NHSL1: variants seen among roughly 807,000 people sequenced by gnomAD.
The protein encoded by NHSL1 is NHS like 1.
In NHSL1, 48 loss-of-function variants were observed where a neutral mutation model predicts 95.0. The ratio of observed to expected loss-of-function variants is 0.51; its 90% confidence interval spans 0.40 to 0.64. The LOEUF is 0.64. NHSL1 is among the 30% of genes least tolerant of loss of function. NHSL1 has a pLI of 0.00. For synonymous variants in NHSL1, 783 were observed against 833.9 expected (o/e 0.94, Z 1.05); for missense variants, 1,971 against 2,077.7 (o/e 0.95, Z 1.00).
chr6:138,656,458 T>A (rs1337859506), intron 1 of NHSL1, among the ~76,000 whole-genome samples: 1 of 152,164 alleles, frequency 6.6e-6, no homozygotes, highest in Non-Finnish European at 1.5e-5. Context: ...ATTTGCCCAA[T>A]TATGCATGAG....
At chr6:138,657,609 C>A (rs1427646024) in intron 1 of NHSL1, among the ~76,000 whole-genome samples, 6 of 151,604 alleles carry the variant, frequency 4.0e-5, no homozygotes, top group African/African-American at 1.5e-4. Context: ...GTCAGGAGAT[C>A]GAGACCATCC....
chr6:138,547,301 AG>A (rs1405722421), upstream of NHSL1, among the ~76,000 whole-genome samples: 4 of 148,220 alleles, frequency 2.7e-5, no homozygotes, highest in Non-Finnish European at 3.0e-5. Flanking sequence ...AATATATAAG[AG>A]GTCTCTAGCC....
chr6:138,610,908 T>A (rs1784503683), intron 1 of NHSL1, among the ~76,000 whole-genome samples: 1 of 152,024 alleles, frequency 6.6e-6, no homozygotes, highest in Non-Finnish European at 1.5e-5. Context: ...TGAAATCCCA[T>A]CTCTAACAAA....
intron 1 of NHSL1, among the ~76,000 whole-genome samples, chr6:138,588,671 T>G (rs1784178070): frequency 6.6e-6 from 1 of 152,204 alleles, no homozygotes; most frequent in Admixed American, 6.5e-5. Context: ...CTGAGATTAA[T>G]ACAGCAAGCT....
intron 1 of NHSL1, among the ~76,000 whole-genome samples, chr6:138,534,027 G>T (rs1782240020): frequency 6.6e-6 from 1 of 152,186 alleles, no homozygotes; most frequent in Non-Finnish European, 1.5e-5. Flanking sequence ...TGTTTCATCA[G>T]ATTTTTTGGT....
At chr6:138,675,823 C>T (rs893773896) in intron 1 of NHSL1, among the ~76,000 whole-genome samples, 31 of 152,250 alleles carry the variant, frequency 2.0e-4, no homozygotes, top group Admixed American at 3.3e-4. Context: ...CATGAGCCAC[C>T]GCACCTGGCC....
At chr6:138,563,901 T>TGGTGG (rs1410269090) in intron 1 of NHSL1, among the ~76,000 whole-genome samples, 4 of 152,124 alleles carry the variant, frequency 2.6e-5, no homozygotes. Context: ...TCAGACCAAT[T>TGGTGG]GGTGGGGAGG....
intron 1 of NHSL1, among the ~76,000 whole-genome samples, chr6:138,629,942 C>T (rs901202640): frequency 6.6e-6 from 1 of 152,196 alleles, no homozygotes; most frequent in African/African-American, 2.4e-5. Context: ...TTACTTCCCC[C>T]AAAGTAGACA....
At chr6:138,520,187 C>T (rs1029088903) in intron 1 of NHSL1, among the ~76,000 whole-genome samples, 7 of 151,736 alleles carry the variant, frequency 4.6e-5, no homozygotes, top group Admixed American at 4.6e-4. Flanking sequence ...TAAAATCATA[C>T]CAAAATAAAT....
intron 1 of NHSL1, among the ~76,000 whole-genome samples, chr6:138,627,910 T>C (rs1037851592): frequency 6.6e-6 from 1 of 151,864 alleles, no homozygotes; most frequent in Non-Finnish European, 1.5e-5. Context: ...TTTAAAAAAT[T>C]TATTTATATG....
intron 2 of NHSL1, among the ~76,000 whole-genome samples, chr6:138,490,874 C>T (rs1050340362): frequency 3.9e-5 from 6 of 152,180 alleles, no homozygotes; most frequent in African/African-American, 1.4e-4. Flanking sequence ...CCTCGTGATC[C>T]GCCCGCCTTG....
chr6:138,677,722 T>C (rs984801719), intron 1 of NHSL1, among the ~76,000 whole-genome samples: 9 of 152,224 alleles, frequency 5.9e-5, no homozygotes, highest in African/African-American at 2.2e-4. Context: ...CAGTGGATAC[T>C]GCAAATGGTA....
chr6:138,566,926 A>T (rs189340029), intron 1 of NHSL1, among the ~76,000 whole-genome samples: 1 of 152,326 alleles, frequency 6.6e-6, no homozygotes, highest in East Asian at 1.9e-4. Context: ...TCTTTTGTTA[A>T]GACACGAAGG....
At position 138,466,523 on chromosome 6, in the gene NHSL1, C is replaced by T. The variant is rs531441400; in HGVS notation, c.339+6783G>A. Among the ~76,000 whole-genome samples the T allele has an allele frequency of 6.6e-5, 10 of 152,316 alleles. No homozygotes were observed. The East Asian group carries it at 1.7e-3, about 26-fold the overall frequency. On this transcript the variant is annotated intron_variant, in intron 3 of 7. Transcript: ENST00000343505. Reference sequence around the variant, plus strand: ...TATCCTTTTCATTTAACATTGCAACCGTCCCTCCAGTTTATTTTACTCGAG... The same window carrying T: ...TATCCTTTTCATTTAACATTGCAACTGTCCCTCCAGTTTATTTTACTCGAG...
intron 1 of NHSL1, among the ~76,000 whole-genome samples, chr6:138,608,911 C>G (rs752402319): frequency 1.3e-5 from 2 of 152,232 alleles, no homozygotes; most frequent in Non-Finnish European, 2.9e-5. Context: ...TTCAACCCCA[C>G]TGTCTTGCCC....
At chr6:138,555,381 A>G (rs1278267608) in intron 1 of NHSL1, among the ~76,000 whole-genome samples, 1 of 152,210 alleles carries the variant, frequency 6.6e-6, no homozygotes, top group Non-Finnish European at 1.5e-5. Flanking sequence ...CAAGAGGGAA[A>G]AAGTTCCAAG....
chr6:138,606,691 T>C lies in NHSL1; in HGVS notation c.96+85785A>G, dbSNP rs118181982. ...ACCTTCATCTGGCTACTTCTTTTTCTTTCTTTCTTTCTTTTTTTTTTTTTT... is the reference window on the plus strand; with the variant it reads ...ACCTTCATCTGGCTACTTCTTTTTCCTTCTTTCTTTCTTTTTTTTTTTTTT... On this transcript the variant is annotated intron_variant, in intron 1 of 3. Transcript: ENST00000491526. 4.8e-3 allele frequency among the ~76,000 whole-genome samples: 629 copies of C among 131,484 alleles called. 1 individual carries two copies. The highest frequency in any genetic ancestry group is 0.017 in the South Asian group (68 of 3,942). 86.3% of individuals were successfully genotyped at this position (131,484 alleles called of 152,430 possible).
At position 138,423,381 on chromosome 6, in the gene NHSL1, C is replaced by G. The variant is rs1474255622; in HGVS notation, c.*700G>C. On this transcript the variant is annotated 3_prime_UTR_variant, in exon 8 of 8. Coordinates refer to ENST00000343505, the MANE Select transcript of NHSL1 (RefSeq NM_001144060.2). ...TTGTGTGTATGTGGCTGCACAGCAG[C>G]AGGCACCAGGTTACAGCATTGCCAC... 1.3e-5 allele frequency: 2 copies of G among 152,188 alleles called. No individual in the cohort carries two copies. Among genetic ancestry groups the G allele is most frequent in the Non-Finnish European group, 2.9e-5 (2 of 68,028 alleles). 9.4% of individuals were successfully genotyped at this position (152,188 alleles called of 1,614,324 possible).
chr6:138,444,402 A>T (rs1776725449), intron 4 of NHSL1, among the ~76,000 whole-genome samples: 1 of 152,158 alleles, frequency 6.6e-6, no homozygotes, highest in South Asian at 2.1e-4. Context: ...CACATAGCAG[A>T]TGATAGAAGA....
Sources: gnomAD v4.1 joint callset for allele counts (sites outside exome capture counted in the v4.1 genomes callset) on GRCh38, gnomAD v4.1.1 for gene constraint, MANE v1.5 for transcripts, NCBI Gene and HGNC (gene_info 2026-07-23, HGNC 2026-07-21) for gene names.